Variants in CCDC180 observed in about 807,000 individuals in gnomAD.
CCDC180 encodes the protein coiled-coil domain-containing protein 180.
CCDC180 carries 154 observed loss-of-function variants against 209.2 expected under a neutral mutation model. That is an observed-to-expected ratio of 0.74 (90% CI 0.65 to 0.84). The LOEUF (loss-of-function observed/expected upper bound fraction) is 0.84. CCDC180 is among the 40% of genes least tolerant of loss of function. CCDC180 has a pLI of 0.00. For synonymous variants in CCDC180, 778 were observed against 749.1 expected (o/e 1.04, Z -0.63); for missense variants, 1,874 against 1,997.3 (o/e 0.94, Z 1.18).
At chr9:97,359,097 G>C (rs58056009) in intron 25 of CCDC180, among the ~76,000 whole-genome samples, 4,147 of 152,318 alleles carry the variant, frequency 0.027, 170 homozygotes, top group African/African-American at 0.094. Context: ...GCCCTGCAGT[G>C]CAGTTGTGCA....
intron 22 of CCDC180, among the ~76,000 whole-genome samples, chr9:97,350,872 C>T (rs1304474744): frequency 6.6e-6 from 1 of 152,170 alleles, no homozygotes; most frequent in Non-Finnish European, 1.5e-5. Context: ...AATTTGAAAC[C>T]TCTAGGTACT....
chr9:97,350,390 C>A lies in CCDC180; in HGVS notation c.2856-19C>A, dbSNP rs373385815. ...GGTTGTCCCCCATCACTGTCCTGTT[C>A]CTCCTCTGTCTCCCACAGGCTGGTC... On this transcript the variant is annotated intron_variant, in intron 21 of 36. Transcript: ENST00000529487. 2 of 1,534,518 alleles carry A rather than the reference C, an allele frequency of 1.3e-6. No individual in the cohort carries two copies. Among genetic ancestry groups the A allele is most frequent in the Non-Finnish European group, 1.7e-6 (2 of 1,146,712 alleles).
rs1367621958 is a variant in CCDC180, at chr9:97,308,922, G to A, written c.70-492G>A. 2.0e-5 allele frequency among the ~76,000 whole-genome samples: 3 copies of A among 150,990 alleles called. No individual in the cohort carries two copies. In the East Asian group the frequency reaches 5.8e-4, roughly 29 times the overall value. ...TGCGTTTTAAATTTTGAGATCATAC[G>A]GTATAGTTTTGGTTATAATTTCTAA... On this transcript the variant is annotated intron_variant, in intron 2 of 36. Transcript: ENST00000529487.
At chr9:97,317,869 A>T (rs1481270751) in intron 9 of CCDC180, among the ~76,000 whole-genome samples, 1 of 152,194 alleles carries the variant, frequency 6.6e-6, no homozygotes, top group South Asian at 2.1e-4. Flanking sequence ...GACCTGTGAC[A>T]GAGTTTCAGT....
At chr9:97,315,227 C>T (rs2118558888) in intron 8 of CCDC180, among the ~76,000 whole-genome samples, 1 of 152,308 alleles carries the variant, frequency 6.6e-6, no homozygotes, top group Non-Finnish European at 1.5e-5. Context: ...GTCTGGAGCG[C>T]TGATGATGTT....
intron 26 of CCDC180, among the ~76,000 whole-genome samples, chr9:97,361,297 A>C (rs901679400): frequency 6.6e-6 from 1 of 152,226 alleles, no homozygotes; most frequent in Non-Finnish European, 1.5e-5. Flanking sequence ...GCACATCTGC[A>C]GGTCTAACTT....
Position 97,364,143 on chromosome 9 carries a change from C to T in CCDC180, c.3980+15C>T. On this transcript the variant is annotated intron_variant, in intron 29 of 36. Coordinates refer to ENST00000529487, the MANE Select transcript of CCDC180 (RefSeq NM_020893.6). ...CCTGCTGCCGAGTGAGTAACAACGC[C>T]TTTCCTTTTGACTGCATTTAACCTG... is the stretch of plus-strand genomic sequence containing the variant. 6.2e-7 allele frequency: 1 copy of T among 1,613,340 alleles called. No individual in the cohort carries two copies. Among genetic ancestry groups the T allele is most frequent in the African/African-American group, 1.3e-5 (1 of 74,992 alleles).
At chr9:97,320,099 G>C in intron 10 of CCDC180, 27 bp from the exon 11 acceptor site, 1 of 1,595,462 alleles carries the variant, frequency 6.3e-7, no homozygotes, top group Non-Finnish European at 8.6e-7. Flanking sequence ...TTCCTGTGTG[G>C]CTTACTTGCT....
At chr9:97,332,798 A>G (rs1439710531) in intron 18 of CCDC180, among the ~76,000 whole-genome samples, 1 of 152,138 alleles carries the variant, frequency 6.6e-6, no homozygotes, top group Admixed American at 6.5e-5. Context: ...TTTTCTAGCT[A>G]TAGAATGTCA....
chr9:97,316,015 T>A (rs2118565600), intron 8 of CCDC180, among the ~76,000 whole-genome samples: 1 of 152,316 alleles, frequency 6.6e-6, no homozygotes, highest in South Asian at 2.1e-4. Flanking sequence ...GGGGACTGCC[T>A]GTAATACCTG....
chr9:97,320,243 A>G, intron 11 of CCDC180, 38 bp downstream of exon 11: 1 of 1,571,300 alleles, frequency 6.4e-7, no homozygotes, highest in Non-Finnish European at 8.8e-7. Context: ...GCATTTCTCC[A>G]GAACTGTTTA....
In CCDC180 at chr9:97,328,111, A is replaced by T. The variant is rs374070150; in HGVS notation, c.1753A>T (p.Ser585Cys). 37 of 1,614,086 alleles carry T rather than the reference A, an allele frequency of 2.3e-5. No individual in the cohort carries two copies. The South Asian group carries it at 3.0e-4, about 13-fold the overall frequency. Residue 585 changes from serine to cysteine, a missense_variant, in exon 16 of 37, where the codon AGC becomes TGC. Ser to Cys is a moderately radical substitution (Grantham distance 112). Coordinates refer to ENST00000529487, the MANE Select transcript of CCDC180 (RefSeq NM_020893.6). Reference protein sequence around the residue: ...KELNSYSSALSQYFFVREIFE... With the variant: ...KELNSYSSALCQYFFVREIFE... The stretch of plus-strand genomic sequence containing the variant: ...ACTCAACTCCTACAGCTCTGCCCTC[A>T]GCCAATACTTCTTTGTGCGTGAAAT...
At position 97,371,697 on chromosome 9, in the gene CCDC180, C is replaced by T; in HGVS notation, c.4591C>T (p.Gln1531Ter). 6.3e-7 allele frequency: 1 copy of T among 1,591,596 alleles called. No individual in the cohort carries two copies. The highest frequency in any genetic ancestry group is 1.1e-5 in the South Asian group (1 of 89,702). The change falls in exon 34 of 37, where the codon CAG (glutamine) becomes TAG (stop). Residue 1531 changes from glutamine (Q) to a stop codon, truncating the protein, a stop_gained. Coordinates refer to ENST00000529487, the MANE Select transcript of CCDC180 (RefSeq NM_020893.6). LOFTEE classifies it high-confidence loss of function. ...LDEVVTIDDV[Q>*]VARMEPPKQK... Reference sequence around the variant, plus strand: ...TGAGGTGGTCACCATTGACGATGTCCAGGTTGCAAGTAAGAGGCACCACCA... The same window carrying T: ...TGAGGTGGTCACCATTGACGATGTCTAGGTTGCAAGTAAGAGGCACCACCA...
intron 2 of CCDC180, among the ~76,000 whole-genome samples, chr9:97,308,981 C>T (rs1443098283): frequency 6.6e-6 from 1 of 152,108 alleles, no homozygotes; most frequent in Non-Finnish European, 1.5e-5. Context: ...ATTTCTAATG[C>T]ATGTAAGTGA....
chr9:97,312,558 T>C (rs993138833), intron 4 of CCDC180, among the ~76,000 whole-genome samples: 2 of 152,168 alleles, frequency 1.3e-5, no homozygotes, highest in Non-Finnish European at 2.9e-5. Flanking sequence ...AGAAACCTTT[T>C]TTCTTTATGA....
chr9:97,338,875 G>C (rs1232471971), intron 18 of CCDC180, among the ~76,000 whole-genome samples: 1 of 152,174 alleles, frequency 6.6e-6, no homozygotes, highest in Non-Finnish European at 1.5e-5. Context: ...ATGATAGTTA[G>C]CTCTTCTTGT....
chr9:97,374,784 C>A, intron 35 of CCDC180, 136 bp downstream of exon 35: 1 of 668,802 alleles, frequency 1.5e-6, no homozygotes, highest in Non-Finnish European at 2.5e-6. Context: ...TTAGTTTCCT[C>A]ATCTATGAAA....
In CCDC180 at chr9:97,376,811, T is replaced by A; in HGVS notation, c.4891T>A (p.Cys1631Ser). Residue 1631 changes from cysteine to serine, a missense_variant, in exon 37 of 37, where the codon TGT becomes AGT. By Grantham distance (112) the Cys-to-Ser change is moderately radical (BLOSUM62 -1). Coordinates refer to ENST00000529487, the MANE Select transcript of CCDC180 (RefSeq NM_020893.6). ...GGAGCTAAAGAGGATCCAGGATGAC[T>A]GTACATCTCAGATAAAGGAGGCTCA... ...EEELKRIQDDCTSQIKEAQRW... is the reference protein window; with the variant it reads ...EEELKRIQDDSTSQIKEAQRW... The A allele has an allele frequency of 6.2e-7, 1 of 1,613,576 alleles. No homozygotes were observed. Among genetic ancestry groups the A allele is most frequent in the Non-Finnish European group, 8.5e-7 (1 of 1,179,956 alleles).
At chr9:97,368,900 G>T (rs974004618) in intron 31 of CCDC180, among the ~76,000 whole-genome samples, 4 of 152,178 alleles carry the variant, frequency 2.6e-5, no homozygotes, top group Admixed American at 2.6e-4. Context: ...GGCAGCAGGA[G>T]ACCAGCAAAG....
Sources: allele counts gnomAD v4.1 joint callset (sites outside exome capture counted in the v4.1 genomes callset), GRCh38; gene constraint gnomAD v4.1.1; transcripts MANE v1.5; gene names NCBI Gene and HGNC (gene_info 2026-07-23, HGNC 2026-07-21).